RAB11FIP3: variants seen among roughly 807,000 people sequenced by gnomAD.
The protein encoded by RAB11FIP3 is RAB11 family interacting protein 3.
RAB11FIP3 carries 17 observed loss-of-function variants against 77.8 expected under a neutral mutation model. That is an observed-to-expected ratio of 0.22 (90% CI 0.15 to 0.33). The LOEUF (loss-of-function observed/expected upper bound fraction) is 0.33. Ranked by LOEUF, RAB11FIP3 falls within the 10% of genes least tolerant of loss-of-function variation. RAB11FIP3 has a pLI of 1.00. For missense variants in RAB11FIP3, 1,005 were observed against 1,011.2 expected (o/e 0.99, Z 0.08); for synonymous variants, 437 against 448.2 (o/e 0.98, Z 0.31).
chr16:444,467 G>C (rs1340870808), intron 1 of RAB11FIP3, among the ~76,000 whole-genome samples: 5 of 152,106 alleles, frequency 3.3e-5, no homozygotes, highest in African/African-American at 9.7e-5. Context: ...ATAGCTGTTC[G>C]GCCTGCAGAA....
intron 6 of RAB11FIP3, among the ~76,000 whole-genome samples, chr16:501,837 C>T (rs1199072029): frequency 6.9e-6 from 1 of 145,462 alleles, no homozygotes; most frequent in Non-Finnish European, 1.5e-5. Flanking sequence ...CAAGGAAGTT[C>T]GGAGAGGATC....
chr16:493,661 C>T (rs1345412196), intron 5 of RAB11FIP3, among the ~76,000 whole-genome samples: 3 of 152,134 alleles, frequency 2.0e-5, no homozygotes, highest in East Asian at 1.9e-4. Flanking sequence ...GGCCGGAGTG[C>T]AGTGGTGCGA....
intron 1 of RAB11FIP3, among the ~76,000 whole-genome samples, chr16:460,325 A>G (rs1182815536): frequency 6.6e-6 from 1 of 151,944 alleles, no homozygotes; most frequent in Non-Finnish European, 1.5e-5. Context: ...TTAAATTTTT[A>G]TTTTTAAGTT....
intron 5 of RAB11FIP3, among the ~76,000 whole-genome samples, chr16:495,495 C>G (rs2031041536): frequency 6.6e-6 from 1 of 152,222 alleles, no homozygotes; most frequent in African/African-American, 2.4e-5. Context: ...CTACAGTGGG[C>G]AGGATGCTCC....
chr16:471,484 CCGTAGAAGCT>C lies in RAB11FIP3; in HGVS notation c.903+96_903+105del. 9.0e-7 allele frequency: 1 copy of C among 1,111,772 alleles called. No individual in the cohort carries two copies. Among genetic ancestry groups the C allele is most frequent in the South Asian group, 1.3e-5 (1 of 74,514 alleles). The allele number at this position is 1,111,772 out of a possible 1,614,324, so 68.9% of individuals were successfully genotyped here. On this transcript the variant is annotated intron_variant, in intron 3 of 13. Transcript: ENST00000262305. The surrounding 1 kb of genome is among the most constrained non-coding windows in gnomAD (Gnocchi z 4.4). Reference sequence around the variant, plus strand: ...GTGCCTCCTGCCTCCGGGCTGTCTTCCGTAGAAGCTGGCGTGAAGGAAGGGCCTCCCGCCC... The same window carrying C: ...GTGCCTCCTGCCTCCGGGCTGTCTTCGGCGTGAAGGAAGGGCCTCCCGCCC...
At chr16:476,009 C>T (rs1205683266) in intron 3 of RAB11FIP3, among the ~76,000 whole-genome samples, 1 of 152,166 alleles carries the variant, frequency 6.6e-6, no homozygotes, top group Non-Finnish European at 1.5e-5. Context: ...GCGCCCGCCA[C>T]CACACCCAGC....
At chr16:473,400 G>A (rs1567377199) in intron 3 of RAB11FIP3, among the ~76,000 whole-genome samples, 1 of 152,202 alleles carries the variant, frequency 6.6e-6, no homozygotes, top group Non-Finnish European at 1.5e-5. Flanking sequence ...ATGGAACATA[G>A]TGTAGAGCAT....
rs2056065933 is a variant in RAB11FIP3 at position 482,530 on chromosome 16, C to T, written c.909C>T (p.Asn303=). The T allele has an allele frequency of 2.1e-5, 34 of 1,613,344 alleles. No individual in the cohort carries two copies. The highest frequency in any genetic ancestry group is 2.7e-5 in the Non-Finnish European group (32 of 1,180,018). ...EFDDFVTYEA[N]EVTDSAYMGS... is the part of the protein sequence containing the mutation. Reference sequence around the variant, plus strand: ...GCTGGCGCACTCTCTCCTAGGCCAACGAGGTGACGGACAGCGCGTACATGG... The same window carrying T: ...GCTGGCGCACTCTCTCCTAGGCCAATGAGGTGACGGACAGCGCGTACATGG... The change falls in exon 4 of 14, where the codon AAC becomes AAT. Residue 303 remains asparagine (N), a synonymous_variant. Transcript: ENST00000262305.
chr16:436,748 A>T (rs1313053440), intron 1 of RAB11FIP3, among the ~76,000 whole-genome samples: 2 of 152,086 alleles, frequency 1.3e-5, no homozygotes, highest in Non-Finnish European at 2.9e-5. Context: ...GGGATTACAG[A>T]TATGAGCTAC....
intron 4 of RAB11FIP3, 48 bp downstream of exon 4, chr16:482,784 C>A (rs1172654067): frequency 2.0e-6 from 3 of 1,534,084 alleles, no homozygotes; most frequent in African/African-American, 2.7e-5. Flanking sequence ...GGATGTGGCA[C>A]CCTGTGGAGG....
intron 4 of RAB11FIP3, among the ~76,000 whole-genome samples, chr16:483,959 T>G (rs1488788221): frequency 6.6e-6 from 1 of 152,012 alleles, no homozygotes; most frequent in African/African-American, 2.4e-5. Flanking sequence ...GCATGTAGGG[T>G]TGATGTCTTC....
chr16:492,194 AC>A (rs745983747), intron 5 of RAB11FIP3, among the ~76,000 whole-genome samples: 3 of 152,114 alleles, frequency 2.0e-5, no homozygotes, highest in Non-Finnish European at 2.9e-5. Context: ...TTTCCAGGGC[AC>A]TTAACTCTTC....
chr16:429,618 G>T (rs997756028), intron 1 of RAB11FIP3, among the ~76,000 whole-genome samples: 2 of 151,688 alleles, frequency 1.3e-5, no homozygotes, highest in South Asian at 4.2e-4. Flanking sequence ...TCCTGCTTCA[G>T]CCTCCCGAGT....
chr16:482,311 C>G (rs1279164671), intron 3 of RAB11FIP3: 1 of 693,246 alleles, frequency 1.4e-6, no homozygotes. Flanking sequence ...CCACCGAGGC[C>G]TCCGAAAGTA....
rs775138732 is a variant in RAB11FIP3 at position 472,321 on chromosome 16, C to T, written c.903+932C>T. 2.0e-5 allele frequency among the ~76,000 whole-genome samples: 3 copies of T among 152,228 alleles called. No homozygotes were observed. The highest frequency in any genetic ancestry group is 1.9e-4 in the East Asian group (1 of 5,196). ...AGACCCTGGGGGTGGTTCTGCCTTA[C>T]GGCGGTGTCCCAGTTATCAGCTGGG... is the stretch of plus-strand genomic sequence containing the variant. On this transcript the variant is annotated intron_variant, in intron 3 of 13. Transcript: ENST00000262305. The surrounding 1 kb of genome is among the most constrained non-coding windows in gnomAD (Gnocchi z 4.1).
intron 5 of RAB11FIP3, among the ~76,000 whole-genome samples, chr16:494,071 C>CATT (rs2030876830): frequency 1.7e-5 from 1 of 57,912 alleles, no homozygotes; most frequent in Admixed American, 1.4e-4. Flanking sequence ...ACCTGGCTAA[C>CATT]TTTTGTATTT....
At position 426,798 on chromosome 16, in the gene RAB11FIP3, AC is replaced by A; in HGVS notation, c.714+79del. The A allele has an allele frequency of 8.3e-7, 1 of 1,211,760 alleles. No individual in the cohort carries two copies. Among genetic ancestry groups the A allele is most frequent in the Non-Finnish European group, 1.1e-6 (1 of 893,914 alleles). The allele number at this position is 1,211,760 out of a possible 1,614,324, so 75.1% of individuals were successfully genotyped here. A position where few individuals can be genotyped will look rare whatever the true frequency, so the allele number is the denominator to read the frequency against. ...GGCGGGGTTGATGTGGGACCGGTCG[AC>A]GCTGCCCCTGGAGTCGGGAAAGGCA... On this transcript the variant is annotated intron_variant, in intron 1 of 13. Coordinates refer to ENST00000262305, the MANE Select transcript of RAB11FIP3 (RefSeq NM_014700.4). The surrounding 1 kb of genome is among the most constrained non-coding windows in gnomAD (Gnocchi z 5.0).
intron 2 of RAB11FIP3, among the ~76,000 whole-genome samples, chr16:465,319 A>G (rs1227495968): frequency 6.6e-6 from 1 of 152,164 alleles, no homozygotes; most frequent in Non-Finnish European, 1.5e-5. Context: ...GCCAAGCACA[A>G]GACCCCAGGA....
intron 1 of RAB11FIP3, among the ~76,000 whole-genome samples, chr16:429,449 T>G (rs1332912408): frequency 6.6e-6 from 1 of 152,138 alleles, no homozygotes; most frequent in Non-Finnish European, 1.5e-5. Flanking sequence ...TGAGAGACTC[T>G]TAGTCCAGTC....
Sources: allele counts gnomAD v4.1 joint callset (sites outside exome capture counted in the v4.1 genomes callset), GRCh38; gene constraint gnomAD v4.1.1; non-coding constraint Gnocchi (gnomAD v3.1); transcripts MANE v1.5; gene names NCBI Gene and HGNC (gene_info 2026-07-23, HGNC 2026-07-21).